FMNL2: variants seen among roughly 807,000 people sequenced by gnomAD.
FMNL2 encodes formin like 2.
In FMNL2, 51 loss-of-function variants were observed where a neutral mutation model predicts 130.2. The observed-to-expected ratio is 0.39, with a 90% CI of 0.31 to 0.49. The LOEUF is 0.49. Ranked by LOEUF, FMNL2 falls within the 20% of genes least tolerant of loss-of-function variation. The pLI is 0.85. For missense variants in FMNL2, 977 were observed against 1,316.2 expected (o/e 0.74, Z 3.99); for synonymous variants, 465 against 467.1 (o/e 1.00, Z 0.06).
At chr2:152,552,706 T>C (rs1345756112) in intron 4 of FMNL2, among the ~76,000 whole-genome samples, 2 of 152,234 alleles carry the variant, frequency 1.3e-5, no homozygotes, top group Admixed American at 6.5e-5. Context: ...ATGACTTATC[T>C]AAGCTTTTGA....
chr2:152,595,962 CTTTTT>C (rs542948085), intron 9 of FMNL2, among the ~76,000 whole-genome samples: 1 of 131,882 alleles, frequency 7.6e-6, no homozygotes, highest in Non-Finnish European at 1.7e-5. Context: ...GCAAGGAAGT[CTTTTT>C]TTTTTTTTTT....
chr2:152,616,328 T>G (rs1384795301), intron 12 of FMNL2, among the ~76,000 whole-genome samples: 3 of 49,740 alleles, frequency 6.0e-5, no homozygotes, highest in African/African-American at 3.6e-4. Flanking sequence ...TTTTTGTGGG[T>G]TTTTTTTTTT....
At chr2:152,633,255 C>T (rs959182782) in intron 21 of FMNL2, among the ~76,000 whole-genome samples, 13 of 151,890 alleles carry the variant, frequency 8.6e-5, no homozygotes, top group African/African-American at 3.1e-4. Flanking sequence ...ACCACTATGC[C>T]CAGCTAATTT....
chr2:152,599,707 G>T (rs765859376), intron 9 of FMNL2, among the ~76,000 whole-genome samples: 22 of 152,092 alleles, frequency 1.4e-4, no homozygotes, highest in Non-Finnish European at 2.6e-4. Flanking sequence ...GTCATCTCCT[G>T]GTCCAGGATT....
chr2:152,591,066 G>A (rs962615999), intron 9 of FMNL2, among the ~76,000 whole-genome samples: 1 of 134,074 alleles, frequency 7.5e-6, no homozygotes, highest in Non-Finnish European at 1.5e-5. Flanking sequence ...CTGGGGTGCA[G>A]TGGCGCGATC....
intron 25 of FMNL2, 60 bp from the exon 26 acceptor site, chr2:152,647,736 C>T (rs1683714878): frequency 6.5e-7 from 1 of 1,546,786 alleles, no homozygotes. Flanking sequence ...GGCCTTTGTC[C>T]TGCTTAGACA....
chr2:152,491,403 C>G (rs1436008438), intron 1 of FMNL2, among the ~76,000 whole-genome samples: 2 of 152,142 alleles, frequency 1.3e-5, no homozygotes, highest in African/African-American at 4.8e-5. Context: ...GGCTGCCGGC[C>G]TGCCAGGATG....
chr2:152,514,549 T>A (rs1040272126), intron 1 of FMNL2, among the ~76,000 whole-genome samples: 3 of 152,178 alleles, frequency 2.0e-5, no homozygotes, highest in African/African-American at 7.2e-5. Flanking sequence ...TCCTCCCATA[T>A]CCGTGGGGGA....
intron 6 of FMNL2, among the ~76,000 whole-genome samples, chr2:152,562,648 A>G (rs1200313050): frequency 6.6e-6 from 1 of 152,230 alleles, no homozygotes; most frequent in Non-Finnish European, 1.5e-5. Flanking sequence ...AATTCACCTT[A>G]TTATATTTGC....
intron 1 of FMNL2, among the ~76,000 whole-genome samples, chr2:152,416,657 T>C (rs1212786553): frequency 6.6e-6 from 1 of 152,218 alleles, no homozygotes; most frequent in Non-Finnish European, 1.5e-5. Context: ...CCATGCTGAC[T>C]TCTAGCCAGG....
chr2:152,465,886 A>G (rs916473434), intron 1 of FMNL2, among the ~76,000 whole-genome samples: 3 of 152,216 alleles, frequency 2.0e-5, no homozygotes, highest in East Asian at 1.9e-4. Context: ...TATCCCTGAT[A>G]AAAGCATCAG....
intron 1 of FMNL2, among the ~76,000 whole-genome samples, chr2:152,434,668 C>G (rs971492530): frequency 4.0e-5 from 6 of 151,898 alleles, no homozygotes; most frequent in African/African-American, 1.5e-4. Flanking sequence ...TTTTAACTGG[C>G]CTACTCCTGC....
chr2:152,625,997 A>G (rs963395439), intron 16 of FMNL2, among the ~76,000 whole-genome samples: 2 of 151,960 alleles, frequency 1.3e-5, no homozygotes, highest in African/African-American at 4.8e-5. Context: ...TCGGTAGTCT[A>G]ATGTTCACTT....
chr2:152,591,149 C>G (rs939390092), intron 9 of FMNL2, among the ~76,000 whole-genome samples: 4 of 151,664 alleles, frequency 2.6e-5, no homozygotes, highest in African/African-American at 9.7e-5. Context: ...GCTGGGACTA[C>G]AGGCGAGTGC....
chr2:152,464,424 G>A (rs1193589631), intron 1 of FMNL2, among the ~76,000 whole-genome samples: 1 of 152,148 alleles, frequency 6.6e-6, no homozygotes, highest in Admixed American at 6.5e-5. Context: ...CCACTCTTCA[G>A]GGTGTGATAA....
At chr2:152,592,541 G>T (rs1312877409) in intron 9 of FMNL2, among the ~76,000 whole-genome samples, 3 of 152,124 alleles carry the variant, frequency 2.0e-5, no homozygotes, top group African/African-American at 7.2e-5. Flanking sequence ...GTCAACATTA[G>T]TGTATTTATG....
Position 152,539,842 on chromosome 2 carries a change from A to G in FMNL2, c.202-2897A>G, listed in dbSNP as rs1302792612. 5.3e-5 allele frequency among the ~76,000 whole-genome samples: 8 copies of G among 152,184 alleles called. No individual in the cohort carries two copies. In the East Asian group the frequency reaches 1.2e-3, roughly 22 times the overall value. ...AAATGAGTGAATGCTACTGCGTTAC[A>G]TGTGCTACTCCACCAAATTTTATTA... On this transcript the variant is annotated intron_variant, in intron 2 of 25. Coordinates refer to ENST00000288670, the MANE Select transcript of FMNL2 (RefSeq NM_052905.4).
chr2:152,639,852 A>T, intron 23 of FMNL2, 106 bp from the exon 24 acceptor site: 1 of 933,084 alleles, frequency 1.1e-6, no homozygotes, highest in Non-Finnish European at 1.6e-6. Flanking sequence ...CCTTCCATTT[A>T]TTGTAATTCT....
Position 152,561,052 on chromosome 2 carries a change from A to G in FMNL2, c.596+17A>G, listed in dbSNP as rs150168362. ...TGCACTGCGGTGAGTTCGTTTAATC[A>G]GGAGGCAACTTTGGCAGGATGCACT... is the stretch of plus-strand genomic sequence containing the variant. On this transcript the variant is annotated intron_variant, in intron 6 of 25. Coordinates refer to ENST00000288670, the MANE Select transcript of FMNL2 (RefSeq NM_052905.4). The G allele has an allele frequency of 7.2e-5, 114 of 1,574,174 alleles. No individual in the cohort carries two copies. The African/African-American group carries it at 1.4e-3, about 19-fold the overall frequency.
Sources: allele counts gnomAD v4.1 joint callset (sites outside exome capture counted in the v4.1 genomes callset), GRCh38; gene constraint gnomAD v4.1.1; transcripts MANE v1.5; gene names NCBI Gene and HGNC (gene_info 2026-07-23, HGNC 2026-07-21).